DIAPH3: variants seen among roughly 807,000 people sequenced by gnomAD.
DIAPH3 encodes the protein diaphanous related formin 3.
DIAPH3 carries 117 observed loss-of-function variants against 144.3 expected under a neutral mutation model. The observed-to-expected ratio is 0.81, with a 90% CI of 0.70 to 0.95. The LOEUF (loss-of-function observed/expected upper bound fraction) is 0.95. Ranked by LOEUF, DIAPH3 falls within the 40% of genes least tolerant of loss-of-function variation. The pLI is 0.00. For missense variants in DIAPH3, 1,421 were observed against 1,412.7 expected (o/e 1.01, Z -0.09); for synonymous variants, 519 against 488.9 (o/e 1.06, Z -0.81).
At chr13:60,119,529 C>T (rs961450884) in intron 2 of DIAPH3, among the ~76,000 whole-genome samples, 1 of 151,744 alleles carries the variant, frequency 6.6e-6, no homozygotes, top group African/African-American at 2.4e-5. Flanking sequence ...GGGTGGATCA[C>T]GAGGTCAGGA....
intron 17 of DIAPH3, among the ~76,000 whole-genome samples, chr13:59,956,165 C>T (rs2049388774): frequency 6.6e-6 from 1 of 152,196 alleles, no homozygotes; most frequent in Admixed American, 6.5e-5. Flanking sequence ...AAATTCAAAT[C>T]AGCTGCAGAA....
intron 17 of DIAPH3, 152 bp downstream of exon 17, chr13:59,969,792 T>A: frequency 2.4e-6 from 1 of 416,876 alleles, no homozygotes; most frequent in Admixed American, 4.3e-5. Flanking sequence ...TTTTAAGCAC[T>A]TTATTTCATT....
intron 13 of DIAPH3, among the ~76,000 whole-genome samples, chr13:59,983,287 C>G (rs989716183): frequency 4.0e-5 from 6 of 149,356 alleles, no homozygotes; most frequent in African/African-American, 1.5e-4. Flanking sequence ...TTATTGAACT[C>G]TTTTAATAGA....
chr13:60,143,346 C>T (rs1216336678), intron 1 of DIAPH3, among the ~76,000 whole-genome samples: 2 of 152,186 alleles, frequency 1.3e-5, no homozygotes, highest in Non-Finnish European at 2.9e-5. Flanking sequence ...GGATCAGAAT[C>T]CAGCTCTGAT....
chr13:60,108,227 A>G (rs2058471727), intron 3 of DIAPH3, among the ~76,000 whole-genome samples: 1 of 152,214 alleles, frequency 6.6e-6, no homozygotes, highest in Non-Finnish European at 1.5e-5. Flanking sequence ...ATAGACTCAT[A>G]AGCAGTTTTG....
intron 17 of DIAPH3, among the ~76,000 whole-genome samples, chr13:59,939,486 A>G (rs1020662249): frequency 6.6e-6 from 1 of 152,168 alleles, no homozygotes; most frequent in Non-Finnish European, 1.5e-5. Flanking sequence ...TTTTACATGA[A>G]AGGAAGATCT....
At chr13:59,710,032 G>A (rs2034646054) in intron 27 of DIAPH3, among the ~76,000 whole-genome samples, 1 of 151,944 alleles carries the variant, frequency 6.6e-6, no homozygotes, top group Admixed American at 6.6e-5. Context: ...ACTCATAGGT[G>A]GGAATTGAAC....
At chr13:60,151,377 C>G (rs992181483) in intron 1 of DIAPH3, among the ~76,000 whole-genome samples, 3 of 152,168 alleles carry the variant, frequency 2.0e-5, no homozygotes, top group Non-Finnish European at 2.9e-5. Flanking sequence ...ACGTTTGAGT[C>G]TCTCTCAAGT....
At chr13:59,964,805 C>T (rs2049960152) in intron 17 of DIAPH3, among the ~76,000 whole-genome samples, 1 of 152,060 alleles carries the variant, frequency 6.6e-6, no homozygotes, top group Admixed American at 6.6e-5. Context: ...AGACAAGAAC[C>T]AAATGATATG....
intron 4 of DIAPH3, among the ~76,000 whole-genome samples, chr13:60,088,530 T>C (rs997735652): frequency 6.6e-6 from 1 of 152,152 alleles, no homozygotes; most frequent in Non-Finnish European, 1.5e-5. Context: ...AGTTTCATAT[T>C]GCCGCAGATT....
intron 2 of DIAPH3, among the ~76,000 whole-genome samples, chr13:60,128,549 A>G (rs1302192555): frequency 6.6e-6 from 1 of 152,212 alleles, no homozygotes; most frequent in Non-Finnish European, 1.5e-5. Context: ...CTATCTCTAT[A>G]CCAAGGCTCA....
chr13:59,897,961 A>T (rs891772727), intron 20 of DIAPH3, among the ~76,000 whole-genome samples: 9 of 151,126 alleles, frequency 6.0e-5, no homozygotes, highest in African/African-American at 2.2e-4. Context: ...TTGAAACTCC[A>T]TCTCTACTAA....
At chr13:60,124,526 G>T (rs1311883754) in intron 2 of DIAPH3, among the ~76,000 whole-genome samples, 2 of 152,034 alleles carry the variant, frequency 1.3e-5, no homozygotes, top group African/African-American at 4.8e-5. Flanking sequence ...AAACATCTTA[G>T]ATATAGTATG....
At chr13:59,736,254 C>T (rs907281606) in intron 27 of DIAPH3, among the ~76,000 whole-genome samples, 1 of 152,084 alleles carries the variant, frequency 6.6e-6, no homozygotes, top group Non-Finnish European at 1.5e-5. Context: ...AATGAACATA[C>T]GTGTGTATGT....
chr13:60,045,034 T>C (rs2055968335), intron 4 of DIAPH3, among the ~76,000 whole-genome samples: 1 of 152,194 alleles, frequency 6.6e-6, no homozygotes, highest in Non-Finnish European at 1.5e-5. Context: ...ACATTAAACC[T>C]TTTTATTTAT....
At chr13:60,147,304 A>G (rs73536815) in intron 1 of DIAPH3, 96 of 152,332 alleles carry the variant, frequency 6.3e-4, no homozygotes, top group African/African-American at 2.3e-3. Flanking sequence ...CTGAGCAGCC[A>G]AGGTTCTTAA....
At position 59,983,340 on chromosome 13, in the gene DIAPH3, T is replaced by C. The variant is rs79320506; in HGVS notation, c.1480+429A>G. On this transcript the variant is annotated intron_variant, in intron 13 of 27. Coordinates refer to ENST00000400324, the MANE Select transcript of DIAPH3 (RefSeq NM_001042517.2). ...TTTGTAACATCAGGCACTGGTCATA[T>C]GCAGCAGAAGTACTGTATGTATAAA... 3.9e-3 allele frequency among the ~76,000 whole-genome samples: 586 copies of C among 151,620 alleles called. 2 individuals carry two copies. The highest frequency in any genetic ancestry group is 6.8e-3 in the Non-Finnish European group (459 of 67,670).
At chr13:59,831,142 C>T (rs2041755405) in intron 24 of DIAPH3, among the ~76,000 whole-genome samples, 1 of 151,770 alleles carries the variant, frequency 6.6e-6, no homozygotes, top group Admixed American at 6.6e-5. Context: ...GTCTGACATA[C>T]TATATGTAAG....
intron 5 of DIAPH3, among the ~76,000 whole-genome samples, chr13:60,041,439 A>G (rs1483866666): frequency 6.6e-6 from 1 of 152,198 alleles, no homozygotes; most frequent in Non-Finnish European, 1.5e-5. Context: ...CAAAATATGG[A>G]AAAATAAAGT....
Sources: allele counts gnomAD v4.1 joint callset (sites outside exome capture counted in the v4.1 genomes callset), GRCh38; gene constraint gnomAD v4.1.1; transcripts MANE v1.5; gene names NCBI Gene and HGNC (gene_info 2026-07-23, HGNC 2026-07-21).